Variants in FAM219A observed in about 807,000 individuals in gnomAD.
The protein encoded by FAM219A is protein FAM219A.
In FAM219A, 7 loss-of-function variants were observed where a neutral mutation model predicts 23.4. That is an observed-to-expected ratio of 0.30 (90% CI 0.17 to 0.56). The LOEUF (loss-of-function observed/expected upper bound fraction) is 0.56. Ranked by LOEUF, FAM219A falls within the 20% of genes least tolerant of loss-of-function variation. The pLI is 0.92. For missense variants in FAM219A, 166 were observed against 246.9 expected (o/e 0.67, Z 2.20); for synonymous variants, 93 against 99.0 (o/e 0.94, Z 0.36).
intron 1 of FAM219A, among the ~76,000 whole-genome samples, chr9:34,449,030 A>C (rs1823471348): frequency 6.6e-6 from 1 of 150,528 alleles, no homozygotes. Flanking sequence ...GGATAGCCAC[A>C]CTGGTTTAAA....
intron 1 of FAM219A, among the ~76,000 whole-genome samples, chr9:34,455,877 A>G (rs1230751982): frequency 6.6e-6 from 1 of 152,178 alleles, no homozygotes. Flanking sequence ...CTATTTCCAT[A>G]AGGCTCTCAC....
Position 34,400,982 on chromosome 9 carries a change from G to A in FAM219A, c.540C>T (p.Thr180=), listed in dbSNP as rs117759827. The change falls in exon 6 of 6, where the codon ACC becomes ACT. Residue 180 remains threonine (T), a synonymous_variant. Transcript: ENST00000651358. ...TCMCCQATSS[T]ACHIQ is the part of the protein sequence containing the mutation. ...CCGCCCGCTACTGAATGTGGCAGGC[G>A]GTGGAGGACGTGGCCTGGCAGCACA... 0.031 allele frequency: 48,383 copies of A among 1,555,938 alleles called. 938 individuals carry two copies. Among genetic ancestry groups the A allele is most frequent in the Non-Finnish European group, 0.037 (42,887 of 1,146,930 alleles).
At chr9:34,415,042 C>A (rs967793195) in intron 1 of FAM219A, among the ~76,000 whole-genome samples, 1 of 152,154 alleles carries the variant, frequency 6.6e-6, no homozygotes, top group African/African-American at 2.4e-5. Context: ...ACCTTGACCT[C>A]CTGGGCTCAA....
chr9:34,401,540 GCAGGGCAC>G, intron 5 of FAM219A, 118 bp downstream of exon 5: 1 of 1,098,782 alleles, frequency 9.1e-7, no homozygotes, highest in South Asian at 1.5e-5. Flanking sequence ...CCCACCCTGT[GCAGGGCAC>G]CACCCAGCCT....
rs1472439159 is a variant in FAM219A at position 34,402,719 on chromosome 9, G to A, written c.249C>T (p.Val83=). 6.2e-7 allele frequency: 1 copy of A among 1,614,186 alleles called. No individual in the cohort carries two copies. The highest frequency in any genetic ancestry group is 1.7e-5 in the Admixed American group (1 of 60,020). Residue 83 remains valine, a synonymous_variant, in exon 3 of 6, where the codon GTC becomes GTT. Transcript: ENST00000651358. ...AGGGCCTCTACCTTGTTCGGGCCAT[G>A]ACATTGTTCTTCTTGGGTTGCTGGT... ...PVNQQPKKNN[V]MARTRLVVPN...
chr9:34,402,827 G>A lies in FAM219A; in HGVS notation c.161-20C>T, dbSNP rs371366065. 4 of 1,612,266 alleles carry A rather than the reference G, an allele frequency of 2.5e-6. No individual in the cohort carries two copies. The African/African-American group carries it at 4.0e-5, about 16-fold the overall frequency. On this transcript the variant is annotated intron_variant, in intron 2 of 5. Transcript: ENST00000651358. ...GCTTCTCTGCAGGAGAACATGGGAA[G>A]GAAGCTGTGTCCTGCCCCTGAGGCC...
At chr9:34,433,519 A>C (rs1031392754) in intron 1 of FAM219A, among the ~76,000 whole-genome samples, 2 of 152,214 alleles carry the variant, frequency 1.3e-5, no homozygotes, top group African/African-American at 4.8e-5. Context: ...GACTCTTCTG[A>C]GAATTAAACA....
At chr9:34,454,849 T>C (rs545680890) in intron 1 of FAM219A, among the ~76,000 whole-genome samples, 28 of 152,106 alleles carry the variant, frequency 1.8e-4, no homozygotes, top group Non-Finnish European at 3.7e-4. Flanking sequence ...AAGTAGGCAA[T>C]GGCCTCTGGA....
intron 1 of FAM219A, among the ~76,000 whole-genome samples, chr9:34,429,134 C>T (rs1822598180): frequency 6.6e-6 from 1 of 152,214 alleles, no homozygotes; most frequent in Non-Finnish European, 1.5e-5. Flanking sequence ...TCTCCCCTCT[C>T]ATTATGACTG....
rs1005874399 is a variant in FAM219A, at chr9:34,403,427, G to A, written c.161-620C>T. ...CCAGACAGAGGAGTTTGGGATTAACGCAGAAGGAAGAAGAAGCCACTGAAG... is the reference window on the plus strand; with the variant it reads ...CCAGACAGAGGAGTTTGGGATTAACACAGAAGGAAGAAGAAGCCACTGAAG... On this transcript the variant is annotated intron_variant, in intron 2 of 5. Transcript: ENST00000651358. 5.3e-5 allele frequency among the ~76,000 whole-genome samples: 8 copies of A among 152,224 alleles called. No homozygotes were observed. The East Asian group carries it at 7.7e-4, about 15-fold the overall frequency.
At position 34,457,876 on chromosome 9, in the gene FAM219A, G is replaced by A. The variant is rs566098584; in HGVS notation, c.60+328C>T. On this transcript the variant is annotated intron_variant, in intron 1 of 5. Coordinates refer to ENST00000651358, the MANE Select transcript of FAM219A (RefSeq NM_001184940.2). This position sits in a 1 kb window ranked among gnomAD's most constrained non-coding sequence, Gnocchi z 5.1. ...ATCCCAGACCCCTGGGCCTGCCGCC[G>A]GCGGTGCCCCATGGCAGTTCCCTCG... Among the ~76,000 whole-genome samples the A allele has an allele frequency of 2.0e-5, 3 of 152,168 alleles. No individual in the cohort carries two copies. The highest frequency in any genetic ancestry group is 7.2e-5 in the African/African-American group (3 of 41,514).
chr9:34,406,016 G>T lies in FAM219A; in HGVS notation c.61-52C>A, dbSNP rs113184132. The T allele has an allele frequency of 9.8e-6, 15 of 1,525,672 alleles. No homozygotes were observed. The African/African-American group carries it at 1.1e-4, about 11-fold the overall frequency. 94.5% of individuals were successfully genotyped at this position (1,525,672 alleles called of 1,614,324 possible). Reference sequence around the variant, plus strand: ...GAGTTGTTAGGGAGTGAAGACAGGGGGCTGCTCTCAGTCCTGAAGCTAGCC... The same window carrying T: ...GAGTTGTTAGGGAGTGAAGACAGGGTGCTGCTCTCAGTCCTGAAGCTAGCC... On this transcript the variant is annotated intron_variant, in intron 1 of 5. Transcript: ENST00000651358.
chr9:34,418,240 C>T (rs960918599), intron 1 of FAM219A, among the ~76,000 whole-genome samples: 10 of 150,850 alleles, frequency 6.6e-5, no homozygotes, highest in African/African-American at 2.4e-4. Flanking sequence ...AATGAAGAGA[C>T]AGGGGGCCAA....
intron 1 of FAM219A, among the ~76,000 whole-genome samples, chr9:34,456,068 C>T (rs1426033978): frequency 3.3e-5 from 5 of 152,120 alleles, no homozygotes; most frequent in Non-Finnish European, 1.5e-5. Context: ...TGGCAGGGGC[C>T]TATAATCCCA....
chr9:34,441,498 C>G (rs2132002692), intron 1 of FAM219A, among the ~76,000 whole-genome samples: 1 of 152,272 alleles, frequency 6.6e-6, no homozygotes, highest in African/African-American at 2.4e-5. Flanking sequence ...CCAGGGCTAT[C>G]TTGGGCTGAT....
In FAM219A at chr9:34,402,692, G is replaced by A. The variant is rs771447380; in HGVS notation, c.263+13C>T. The A allele has an allele frequency of 1.2e-6, 2 of 1,612,970 alleles. No individual in the cohort carries two copies. Among genetic ancestry groups the A allele is most frequent in the African/African-American group, 1.3e-5 (1 of 74,902 alleles). On this transcript the variant is annotated intron_variant, in intron 3 of 5. Transcript: ENST00000651358. The stretch of plus-strand genomic sequence containing the variant: ...GGCTGGCAGGGTCCAGGTGGGGTAG[G>A]GAGGGCCTCTACCTTGTTCGGGCCA...
rs1030903213 is a variant in FAM219A, at chr9:34,458,495, G to C, written c.-232C>G. On this transcript the variant is annotated 5_prime_UTR_variant, in exon 1 of 6. Coordinates refer to ENST00000651358, the MANE Select transcript of FAM219A (RefSeq NM_001184940.2). This position sits in a 1 kb window ranked among gnomAD's most constrained non-coding sequence, Gnocchi z 6.6. Reference sequence around the variant, plus strand: ...CCTAGCACTACCGCGGCTGTGGCCGGGCCGAGCCGCAGGTCTTGCCTCGCC... The same window carrying C: ...CCTAGCACTACCGCGGCTGTGGCCGCGCCGAGCCGCAGGTCTTGCCTCGCC... 4 of 378,546 alleles carry C rather than the reference G, an allele frequency of 1.1e-5. No homozygotes were observed. Among genetic ancestry groups the C allele is most frequent in the African/African-American group, 8.5e-5 (4 of 47,136 alleles). The allele number at this position is 378,546 out of a possible 1,614,324, so 23.4% of individuals were successfully genotyped here. A position where few individuals can be genotyped will look rare whatever the true frequency, so the allele number is the denominator to read the frequency against.
At chr9:34,421,811 T>C (rs1822295389) in intron 1 of FAM219A, among the ~76,000 whole-genome samples, 1 of 152,040 alleles carries the variant, frequency 6.6e-6, no homozygotes. Flanking sequence ...TGTTTCTTCA[T>C]ATATTAATGT....
chr9:34,398,223 A>T lies in FAM219A; in HGVS notation c.*2741T>A. 1.3e-6 allele frequency: 2 copies of T among 1,519,928 alleles called. No individual in the cohort carries two copies. The highest frequency in any genetic ancestry group is 1.2e-5 in the South Asian group (1 of 83,480). 94.2% of individuals were successfully genotyped at this position (1,519,928 alleles called of 1,614,324 possible). On this transcript the variant is annotated 3_prime_UTR_variant, in exon 6 of 6. Coordinates refer to ENST00000651358, the MANE Select transcript of FAM219A (RefSeq NM_001184940.2). ...CTTTTAATATCATTATTTGTGTTAC[A>T]CGATACACAACCAAGGATGATGGTC... is the stretch of plus-strand genomic sequence containing the variant.
Sources: allele counts gnomAD v4.1 joint callset (sites outside exome capture counted in the v4.1 genomes callset), GRCh38; gene constraint gnomAD v4.1.1; non-coding constraint Gnocchi (gnomAD v3.1); transcripts MANE v1.5; gene names NCBI Gene and HGNC (gene_info 2026-07-23, HGNC 2026-07-21).